PRKCB: variants seen among roughly 807,000 people sequenced by gnomAD.
PRKCB encodes protein kinase C beta type.
Under a neutral mutation model 81.5 loss-of-function variants are expected in PRKCB, and 13 were observed. The ratio of observed to expected loss-of-function variants is 0.16; its 90% CI spans 0.10 to 0.25. PRKCB has a LOEUF of 0.25. PRKCB is among the 10% of genes least tolerant of loss of function. PRKCB has a pLI of 1.00. For synonymous variants in PRKCB, 335 were observed against 321.4 expected, an observed-to-expected ratio of 1.04 and a Z score of -0.45; for missense variants, 509 against 875.7, an observed-to-expected ratio of 0.58 and a Z score of 5.29.
intron 5 of PRKCB, among the ~76,000 whole-genome samples, chr16:24,063,323 C>A (rs564955736): frequency 1.3e-5 from 2 of 148,844 alleles, no homozygotes; most frequent in Non-Finnish European, 3.0e-5. Context: ...GAGATGGAGT[C>A]TCACTCTGTT....
At chr16:24,171,886 A>T (rs1196294008) in intron 10 of PRKCB, among the ~76,000 whole-genome samples, 1 of 152,022 alleles carries the variant, frequency 6.6e-6, no homozygotes, top group East Asian at 1.9e-4. Flanking sequence ...GGTGCCTGCC[A>T]CCACGATTCG....
chr16:24,096,043 T>G (rs1966434861), intron 7 of PRKCB, among the ~76,000 whole-genome samples: 1 of 152,068 alleles, frequency 6.6e-6, no homozygotes, highest in African/African-American at 2.4e-5. Flanking sequence ...CACCCCTGTA[T>G]TCCCAGCACT....
At chr16:23,955,449 G>C (rs532960175) in intron 2 of PRKCB, among the ~76,000 whole-genome samples, 1 of 152,136 alleles carries the variant, frequency 6.6e-6, no homozygotes, top group South Asian at 2.1e-4. Flanking sequence ...TCAATTCATT[G>C]CTCTTCCCAG....
At chr16:24,179,155 T>C (rs1395673011) in intron 12 of PRKCB, among the ~76,000 whole-genome samples, 1 of 152,218 alleles carries the variant, frequency 6.6e-6, no homozygotes, top group Non-Finnish European at 1.5e-5. Flanking sequence ...ACTTAACAGC[T>C]TTGATTGGCC....
At chr16:24,208,964 A>G (rs2141991989) in intron 16 of PRKCB, among the ~76,000 whole-genome samples, 1 of 152,148 alleles carries the variant, frequency 6.6e-6, no homozygotes, top group South Asian at 2.1e-4. Flanking sequence ...CCTCTGTGCT[A>G]TCTCACTTAA....
intron 2 of PRKCB, among the ~76,000 whole-genome samples, chr16:23,936,376 G>A (rs1241468971): frequency 6.6e-6 from 1 of 152,020 alleles, no homozygotes; most frequent in Non-Finnish European, 1.5e-5. Context: ...TCTAAGCAAT[G>A]CAAAGACAGC....
intron 2 of PRKCB, among the ~76,000 whole-genome samples, chr16:23,972,032 C>A (rs1212430386): frequency 6.6e-6 from 1 of 152,004 alleles, no homozygotes; most frequent in Admixed American, 6.6e-5. Context: ...AAAAAAACCC[C>A]AGAATATTGA....
chr16:23,899,642 CTCTG>C lies in PRKCB; in HGVS notation c.205+62238_205+62241del, dbSNP rs1179134333. 5.9e-3 allele frequency among the ~76,000 whole-genome samples: 30 copies of C among 5,104 alleles called. 1 individual carries two copies. Among genetic ancestry groups the C allele is most frequent in the African/African-American group, 7.1e-3 (30 of 4,238 alleles). The allele number at this position is 5,104 out of a possible 152,430, so 3.3% of individuals were successfully genotyped here. On this transcript the variant is annotated intron_variant, in intron 2 of 16. Coordinates refer to ENST00000643927, the MANE Select transcript of PRKCB (RefSeq NM_002738.7). ...TCTCTCTCTCTCTCTCTCTCTCTCT[CTCTG>C]TGTGTGTGTGTGTGTGTGTGTGGTT...
chr16:24,057,612 G>A (rs546005064), intron 5 of PRKCB, among the ~76,000 whole-genome samples: 1 of 152,222 alleles, frequency 6.6e-6, no homozygotes, highest in South Asian at 2.1e-4. Flanking sequence ...ACTATAAAAG[G>A]GGGGATTGGT....
chr16:23,884,750 A>G (rs2141111893), intron 2 of PRKCB, among the ~76,000 whole-genome samples: 1 of 152,256 alleles, frequency 6.6e-6, no homozygotes, highest in East Asian at 1.9e-4. Flanking sequence ...TGTGTTGCCC[A>G]GACTGGTCTC....
In PRKCB at chr16:24,073,373, C is replaced by T. The variant is rs146013804; in HGVS notation, c.530-19418C>T. On this transcript the variant is annotated intron_variant, in intron 5 of 16. Coordinates refer to ENST00000643927, the MANE Select transcript of PRKCB (RefSeq NM_002738.7). ...TAGAAACAGGATCTTGCTCTGTCTC[C>T]CAGGCTGGAGTACGGTGGTACAATG... 4.2e-3 allele frequency among the ~76,000 whole-genome samples: 642 copies of T among 152,276 alleles called. 4 individuals are homozygous for T. Among genetic ancestry groups the T allele is most frequent in the African/African-American group, 0.015 (620 of 41,556 alleles).
rs554837756 is a variant in PRKCB at position 24,021,916 on chromosome 16, C to T, written c.289-10220C>T. Among the ~76,000 whole-genome samples the T allele has an allele frequency of 9.9e-5, 15 of 152,172 alleles. No individual in the cohort carries two copies. In the South Asian group the frequency reaches 1.2e-3, roughly 13 times the overall value. On this transcript the variant is annotated intron_variant, in intron 3 of 16. Transcript: ENST00000643927. ...TGGTGGCAGTAAAAGTCACATTCGA[C>T]GGTTATTTTGTTGTTGTATTCAACA...
intron 5 of PRKCB, among the ~76,000 whole-genome samples, chr16:24,041,194 C>T (rs372260682): frequency 2.0e-4 from 30 of 151,342 alleles, no homozygotes; most frequent in Admixed American, 8.6e-4. Context: ...CGACTACAGG[C>T]GCATGCCACC....
chr16:23,859,885 AAG>A (rs149041927), intron 2 of PRKCB, among the ~76,000 whole-genome samples: 2 of 146,170 alleles, frequency 1.4e-5, no homozygotes, highest in Admixed American at 6.8e-5. Flanking sequence ...GAGAGAGAGA[AAG>A]AGAGAGAGAG....
At chr16:23,998,442 G>A (rs1158531498) in intron 3 of PRKCB, among the ~76,000 whole-genome samples, 1 of 152,124 alleles carries the variant, frequency 6.6e-6, no homozygotes, top group Non-Finnish European at 1.5e-5. Flanking sequence ...TCCATGGATT[G>A]AGAGTGGGGA....
At chr16:23,874,903 C>T (rs895969058) in intron 2 of PRKCB, among the ~76,000 whole-genome samples, 3 of 152,126 alleles carry the variant, frequency 2.0e-5, no homozygotes, top group Non-Finnish European at 2.9e-5. Context: ...GTTTCTGGAC[C>T]TTAATACTTG....
intron 2 of PRKCB, among the ~76,000 whole-genome samples, chr16:23,847,135 G>C (rs1962383821): frequency 6.6e-6 from 1 of 152,034 alleles, no homozygotes; most frequent in Non-Finnish European, 1.5e-5. Flanking sequence ...TGTGTTCCTG[G>C]GGTGAATTCT....
intron 3 of PRKCB, among the ~76,000 whole-genome samples, chr16:24,021,072 C>CTCCCTCCTTTCT: frequency 0.16 from 15,224 of 94,214 alleles, 2,349 homozygotes; most frequent in South Asian, 0.35. Context: ...CCCTCCCTCC[C>CTCCCTCCTTTCT]TTCTTTCTTT....
intron 16 of PRKCB, among the ~76,000 whole-genome samples, chr16:24,213,197 G>A (rs1476079472): frequency 2.0e-5 from 3 of 152,004 alleles, no homozygotes; most frequent in African/African-American, 4.8e-5. Context: ...ACCACGCCTG[G>A]CTAATTTTTA....
Sources: allele counts gnomAD v4.1 joint callset (sites outside exome capture counted in the v4.1 genomes callset), GRCh38; gene constraint gnomAD v4.1.1; transcripts MANE v1.5; gene names NCBI Gene and HGNC (gene_info 2026-07-23, HGNC 2026-07-21).